The following PYGM variants were observed in gnomAD, a reference collection of about 807,000 sequenced individuals.
PYGM encodes the protein glycogen phosphorylase, muscle associated, also known as glycogen phosphorylase, muscle form.
Under a neutral mutation model 99.3 loss-of-function variants are expected in PYGM, and 81 were observed. The observed-to-expected ratio is 0.82, with a 90% CI of 0.68 to 0.98. PYGM has a LOEUF of 0.98. PYGM is among the 50% of genes least tolerant of loss of function. The probability of loss-of-function intolerance (pLI) is 0.00; values close to 1 mark genes in which losing one functional copy is unlikely to be tolerated. For missense variants in PYGM, 1,030 were observed against 1,158.1 expected, an observed-to-expected ratio of 0.89 and a Z score of 1.61; for synonymous variants, 436 against 451.5, an observed-to-expected ratio of 0.97 and a Z score of 0.44.
At chr11:64,747,735 AACAGGT>A (rs1262636677) in intron 17 of PYGM, 1 of 348,510 alleles carries the variant, frequency 2.9e-6, no homozygotes, top group East Asian at 7.4e-5. Context: ...AAGAGCAGCT[AACAGGT>A]ACAACCCTTC....
At chr11:64,756,451 TTTTG>T (rs1178727429) in intron 5 of PYGM, among the ~76,000 whole-genome samples, 6 of 152,108 alleles carry the variant, frequency 3.9e-5, no homozygotes, top group African/African-American at 7.2e-5. Context: ...GGGATTTGTT[TTTTG>T]TTTGTTTGTT....
At chr11:64,757,448 CT>C in intron 5 of PYGM, among the ~76,000 whole-genome samples, 1 of 152,292 alleles carries the variant, frequency 6.6e-6, no homozygotes, top group South Asian at 2.1e-4. Flanking sequence ...CCTTTCTGGG[CT>C]GCTGCTGTCG....
At chr11:64,748,124 C>G (rs1049675300) in intron 17 of PYGM, 1 of 153,146 alleles carries the variant, frequency 6.5e-6, no homozygotes, top group Non-Finnish European at 1.5e-5. Context: ...AGTCTCAAAA[C>G]CTAACCGTTC....
In PYGM at chr11:64,754,084, A is replaced by C. The variant is rs2058377990; in HGVS notation, c.1093-59T>G. On this transcript the variant is annotated intron_variant, in intron 9 of 19. Coordinates refer to ENST00000164139, the MANE Select transcript of PYGM (RefSeq NM_005609.4). The surrounding 1 kb of genome is among the most constrained non-coding windows in gnomAD (Gnocchi z 5.5). ...CTCAGCCCAGTGGGTCTCCTCACAC[A>C]CTACGCATCCCAGTGGGCCCCCCCA... 6 of 1,601,416 alleles carry C rather than the reference A, an allele frequency of 3.7e-6. No individual in the cohort carries two copies. The highest frequency in any genetic ancestry group is 4.3e-6 in the Non-Finnish European group (5 of 1,174,008).
Position 64,746,779 on chromosome 11 carries a change from G to C in PYGM, c.2409C>G (p.Ile803Met). 1 of 1,614,174 alleles carries C rather than the reference G, an allele frequency of 6.2e-7. No homozygotes were observed. The highest frequency in any genetic ancestry group is 8.5e-7 in the Non-Finnish European group (1 of 1,180,040). ...KNPREWTRMV[I>M]RNIATSGKFS... ...ACTTGCCAGAGGTGGCTATGTTCCGGATCACCATCCGCGTCCACTCTCTTG... is the reference window on the plus strand; with the variant it reads ...ACTTGCCAGAGGTGGCTATGTTCCGCATCACCATCCGCGTCCACTCTCTTG... The change falls in exon 20 of 20, where the codon ATC becomes ATG. Residue 803 changes from isoleucine (I) to methionine (M), a missense_variant. Transcript: ENST00000164139.
chr11:64,758,911 C>G (rs956809208), intron 1 of PYGM, among the ~76,000 whole-genome samples: 1 of 96,140 alleles, frequency 1.0e-5, no homozygotes, highest in African/African-American at 3.7e-5. Flanking sequence ...ACAAATCACT[C>G]TCTTTGGCCT....
intron 16 of PYGM, 126 bp downstream of exon 16, chr11:64,751,198 TG>T: frequency 7.1e-7 from 1 of 1,412,370 alleles, no homozygotes; most frequent in South Asian, 1.2e-5. Context: ...GGCCTCCTCA[TG>T]GTTTAAGCAT....
chr11:64,758,444 C>G lies in PYGM; in HGVS notation c.417G>C (p.Arg139=). The G allele has an allele frequency of 1.2e-6, 2 of 1,613,872 alleles. No individual in the cohort carries two copies. Among genetic ancestry groups the G allele is most frequent in the Non-Finnish European group, 1.7e-6 (2 of 1,180,004 alleles). The part of the protein sequence containing the change: ...DAGLGNGGLG[R]LAACFLDSMA... Reference sequence around the variant, plus strand: ...ACGGCCCTGTCTTCTTACCTGCCAGCCGGCCCAGGCCCCCGTTGCCCAGCC... The same window carrying G: ...ACGGCCCTGTCTTCTTACCTGCCAGGCGGCCCAGGCCCCCGTTGCCCAGCC... The change falls in exon 3 of 20, where the codon CGG becomes CGC. Residue 139 remains arginine (R), a synonymous_variant. Coordinates refer to ENST00000164139, the MANE Select transcript of PYGM (RefSeq NM_005609.4).
intron 17 of PYGM, chr11:64,747,599 C>A: frequency 1.8e-6 from 1 of 542,484 alleles, no homozygotes; most frequent in Non-Finnish European, 3.3e-6. Flanking sequence ...AGTGTTAGAG[C>A]CAAGGCCCCC....
intron 12 of PYGM, among the ~76,000 whole-genome samples, chr11:64,752,787 C>T (rs1412314256): frequency 6.6e-6 from 1 of 152,246 alleles, no homozygotes; most frequent in Non-Finnish European, 1.5e-5. Flanking sequence ...GCCTTCCCTA[C>T]CAGATATCTG....
chr11:64,758,208 C>G lies in PYGM; in HGVS notation c.528+38G>C, dbSNP rs2058406724. ...TAAACAAGTGGGGGTCTTCCCCATC[C>G]TGACTAGACCCCACAAGTTAGAGCC... On this transcript the variant is annotated intron_variant, in intron 4 of 19. Coordinates refer to ENST00000164139, the MANE Select transcript of PYGM (RefSeq NM_005609.4). 2.6e-6 allele frequency: 4 copies of G among 1,563,206 alleles called. No individual in the cohort carries two copies. In the Admixed American group the frequency reaches 6.7e-5, roughly 26 times the overall value.
Position 64,746,517 on chromosome 11 carries a change from G to A in PYGM, c.*142C>T, listed in dbSNP as rs567017411. ...TGTCCTTAGTCACGCTGGACACTGG[G>A]ACATTGAGAGTGGGGAAAATGAGGG... On this transcript the variant is annotated 3_prime_UTR_variant, in exon 20 of 20. Transcript: ENST00000164139. 3.4e-6 allele frequency: 4 copies of A among 1,186,494 alleles called. No individual in the cohort carries two copies. Among genetic ancestry groups the A allele is most frequent in the Non-Finnish European group, 4.9e-6 (4 of 822,384 alleles). 73.5% of individuals were successfully genotyped at this position (1,186,494 alleles called of 1,614,324 possible). A position where few individuals can be genotyped will look rare whatever the true frequency, so the allele number is the denominator to read the frequency against.
At chr11:64,748,034 C>A (rs369841221) in intron 17 of PYGM, 8 of 152,354 alleles carry the variant, frequency 5.3e-5, no homozygotes, top group African/African-American at 1.9e-4. Context: ...GAGCAAGACT[C>A]CATCTCAAAA....
rs75633423 is a variant in PYGM, at chr11:64,755,563, G to T, written c.661-5C>A. ...GTAGGGCATGGCCAGTACCACCTGC[G>T]GGGGGCAATCCTGTCAGGAGCTGGC... On this transcript the variant is annotated splice_region_variant and splice_polypyrimidine_tract_variant and intron_variant, in intron 5 of 19. Coordinates refer to ENST00000164139, the MANE Select transcript of PYGM (RefSeq NM_005609.4). The surrounding 1 kb of genome is among the most constrained non-coding windows in gnomAD (Gnocchi z 4.1). The T allele has an allele frequency of 6.2e-7, 1 of 1,612,034 alleles. No homozygotes were observed. The highest frequency in any genetic ancestry group is 1.7e-5 in the Admixed American group (1 of 59,992).
Position 64,754,304 on chromosome 11 carries a change from G to C in PYGM, c.1041C>G (p.Ile347Met), listed in dbSNP as rs1475448146. ...QLNDTHPSLA[I>M]PELMRILVDL... Reference sequence around the variant, plus strand: ...CCACCAGGATCCTCATCAGCTCGGGGATGGCCAGGGAGGGGTGGGTGTCAT... The same window carrying C: ...CCACCAGGATCCTCATCAGCTCGGGCATGGCCAGGGAGGGGTGGGTGTCAT... Residue 347 changes from isoleucine (I) to methionine (M), a missense_variant, in exon 9 of 20, where the codon ATC (isoleucine) becomes ATG (methionine). Transcript: ENST00000164139. This position sits in a 1 kb window ranked among gnomAD's most constrained non-coding sequence, Gnocchi z 5.5. The C allele has an allele frequency of 2.5e-6, 4 of 1,613,808 alleles. No individual in the cohort carries two copies. The highest frequency in any genetic ancestry group is 3.4e-6 in the Non-Finnish European group (4 of 1,179,952).
chr11:64,760,131 C>A (rs1397865350), upstream of PYGM: 4 of 624,734 alleles, frequency 6.4e-6, no homozygotes, highest in Non-Finnish European at 1.1e-5. Context: ...CCACTTGGGC[C>A]GCCAAGACTG....
intron 16 of PYGM, 78 bp downstream of exon 16, chr11:64,751,247 C>T (rs2058353553): frequency 1.3e-6 from 2 of 1,589,316 alleles, no homozygotes; most frequent in South Asian, 2.2e-5. Flanking sequence ...ACAAGTATCC[C>T]AGGAAGAGAC....
Position 64,750,560 on chromosome 11 carries a change from CAG to C in PYGM, c.1991_1992del (p.Ser664Ter). 6.2e-7 allele frequency: 1 copy of C among 1,613,936 alleles called. No homozygotes were observed. The highest frequency in any genetic ancestry group is 1.1e-5 in the South Asian group (1 of 91,060). On this transcript the variant is annotated frameshift_variant, in exon 17 of 20. Transcript: ENST00000164139. LOFTEE classifies it high-confidence loss of function. ...TCAGTGCCCGCAGTGGAGATCTGCT[CAG>C]AGAGGTCTGCAGCTGGGATCACTGT... The part of the protein sequence containing the change: ...AEKVIPAADL[S>X]EQISTAGTEA...
rs371264447 is a variant in PYGM at position 64,753,903 on chromosome 11, G to A, written c.1215C>T (p.Tyr405=). ...TLLPRHLQII[Y]EINQRFLNRV... The stretch of plus-strand genomic sequence containing the variant: ...CGTTGAGGAAGCGCTGGTTGATCTC[G>A]TAGATGATCTGGAGGTGCCGCGGCA... The change falls in exon 10 of 20, where the codon TAC becomes TAT. Residue 405 remains tyrosine (Y), a synonymous_variant. Transcript: ENST00000164139. The A allele has an allele frequency of 3.4e-4, 535 of 1,585,920 alleles. 12 individuals are homozygous for A. The South Asian group carries it at 5.7e-3, about 17-fold the overall frequency.
Sources: allele counts gnomAD v4.1 joint callset (sites outside exome capture counted in the v4.1 genomes callset), GRCh38; gene constraint gnomAD v4.1.1; non-coding constraint Gnocchi (gnomAD v3.1); transcripts MANE v1.5; gene names NCBI Gene and HGNC (gene_info 2026-07-23, HGNC 2026-07-21).